DAOA: variants seen among roughly 807,000 people sequenced by gnomAD.
DAOA encodes the protein D-amino acid oxidase regulator.
Under a neutral mutation model 16.4 loss-of-function variants are expected in DAOA, and 15 were observed. The observed-to-expected ratio is 0.91, with a 90% CI of 0.61 to 1.41. The LOEUF (loss-of-function observed/expected upper bound fraction) is 1.41. DAOA is among the 40% of genes most tolerant of loss of function. The pLI, the probability that DAOA is intolerant of heterozygous loss-of-function variation, is 0.00. For synonymous variants in DAOA, 75 were observed against 59.1 expected (o/e 1.27, Z -1.23); for missense variants, 230 against 176.8 (o/e 1.30, Z -1.71).
In DAOA at chr13:105,490,001, C is replaced by G. The variant is rs369259159; in HGVS notation, c.382C>G (p.Arg128Gly). The G allele has an allele frequency of 1.1e-5, 17 of 1,612,550 alleles. No homozygotes were observed. The South Asian group carries it at 1.8e-4, about 17-fold the overall frequency. ...TAAGGACCGCAGGCAGCCTCTAGAA[C>G]GAATGTGGACCTGCAACTACAACCA... is the stretch of plus-strand genomic sequence containing the variant. ...ASKDRRQPLE[R>G]MWTCNYNQQK... The change falls in exon 5 of 6, where the codon CGA becomes GGA. Residue 128 changes from arginine (R) to glycine (G), a missense_variant. Transcript: ENST00000375936.
rs1878416268 is a variant in DAOA, at chr13:105,490,125, G to T, written c.*44G>T. 1 of 1,525,706 alleles carries T rather than the reference G, an allele frequency of 6.6e-7. No individual in the cohort carries two copies. The highest frequency in any genetic ancestry group is 1.4e-5 in the African/African-American group (1 of 72,504). 94.5% of individuals were successfully genotyped at this position (1,525,706 alleles called of 1,614,324 possible). On this transcript the variant is annotated 3_prime_UTR_variant, in exon 5 of 6. Coordinates refer to ENST00000375936, the MANE Select transcript of DAOA (RefSeq NM_172370.5). ...CCCAGCCAATCCTTCTGATGACAAT[G>T]TAGTCTGGCCAACATCTTCACTGGA...
chr13:105,489,051 C>T (rs576054129), intron 4 of DAOA, among the ~76,000 whole-genome samples: 1 of 152,304 alleles, frequency 6.6e-6, no homozygotes, highest in East Asian at 1.9e-4. Flanking sequence ...TATTGCATTA[C>T]AATGTGGTAG....
intron 3 of DAOA, 130 bp from the exon 4 acceptor site, chr13:105,472,408 C>G: frequency 7.6e-7 from 1 of 1,323,008 alleles, no homozygotes; most frequent in East Asian, 2.6e-5. Flanking sequence ...TTGTCTTAAC[C>G]AAAAACCTCT....
rs78723097 is a variant in DAOA at position 105,470,268 on chromosome 13, T to A, written c.134-2270T>A. 6.4e-3 allele frequency among the ~76,000 whole-genome samples: 980 copies of A among 152,270 alleles called. 9 individuals carry two copies. The highest frequency in any genetic ancestry group is 0.014 in the South Asian group (67 of 4,822). On this transcript the variant is annotated intron_variant, in intron 3 of 5. Coordinates refer to ENST00000375936, the MANE Select transcript of DAOA (RefSeq NM_172370.5). ...TATCTTTGTTATGTATTAAGCACAC[T>A]GTCCTCATATAAAATGCTATTCTTT...
intron 4 of DAOA, among the ~76,000 whole-genome samples, chr13:105,481,935 A>G (rs1015501807): frequency 6.6e-6 from 1 of 152,206 alleles, no homozygotes; most frequent in Non-Finnish European, 1.5e-5. Context: ...CAAAGGAAAG[A>G]GGTTTAATTG....
chr13:105,483,678 C>G (rs897510549), intron 4 of DAOA, among the ~76,000 whole-genome samples: 4 of 151,150 alleles, frequency 2.6e-5, no homozygotes, highest in Admixed American at 6.6e-5. Flanking sequence ...AGCTTTTGCT[C>G]ATTTTTATTT....
At chr13:105,474,001 T>C (rs1376834198) in intron 4 of DAOA, among the ~76,000 whole-genome samples, 1 of 152,132 alleles carries the variant, frequency 6.6e-6, no homozygotes, top group Non-Finnish European at 1.5e-5. Flanking sequence ...GCTAGAAGCT[T>C]ACCTGGCCAG....
intron 4 of DAOA, among the ~76,000 whole-genome samples, chr13:105,475,750 T>C (rs1877283629): frequency 6.6e-6 from 1 of 152,164 alleles, no homozygotes. Context: ...TTATGAATCT[T>C]TAAGGCAATT....
At position 105,490,970 on chromosome 13, in the gene DAOA, C is replaced by T. The variant is rs1168732219; in HGVS notation, c.*170C>T. The T allele has an allele frequency of 6.6e-6, 1 of 152,068 alleles. No homozygotes were observed. Among genetic ancestry groups the T allele is most frequent in the Non-Finnish European group, 1.5e-5 (1 of 67,980 alleles). The allele number at this position is 152,068 out of a possible 1,614,324, so 9.4% of individuals were successfully genotyped here. On this transcript the variant is annotated 3_prime_UTR_variant, in exon 6 of 6. Transcript: ENST00000375936. Reference sequence around the variant, plus strand: ...TAAGTGATAAAATGCCATTTCTATGCACCCACCTGGCCTGTGTGACTGGGA... The same window carrying T: ...TAAGTGATAAAATGCCATTTCTATGTACCCACCTGGCCTGTGTGACTGGGA...
chr13:105,467,069 G>A lies in DAOA; in HGVS notation c.61G>A (p.Gly21Ser), dbSNP rs533155400. 47 of 1,610,510 alleles carry A rather than the reference G, an allele frequency of 2.9e-5. No individual in the cohort carries two copies. The South Asian group carries it at 3.4e-4, about 12-fold the overall frequency. The change falls in exon 3 of 6, where the codon GGT becomes AGT. Residue 21 changes from glycine (G) to serine (S), a missense_variant. By Grantham distance (56) the Gly-to-Ser change is moderately conservative. Transcript: ENST00000375936. ...LQLFRSRYTL[G>S]KIYFIGFQRS... The stretch of plus-strand genomic sequence containing the variant: ...AATTTTTAGATCCAGATATACATTG[G>A]GTAAAATCTACTTCATAGGTTTTCA...
At chr13:105,482,734 C>T (rs1263815532) in intron 4 of DAOA, among the ~76,000 whole-genome samples, 3 of 151,924 alleles carry the variant, frequency 2.0e-5, no homozygotes, top group African/African-American at 7.3e-5. Flanking sequence ...TGTCAAACTC[C>T]TAACCTCGTG....
chr13:105,476,345 G>T (rs1290788832), intron 4 of DAOA, among the ~76,000 whole-genome samples: 2 of 151,628 alleles, frequency 1.3e-5, no homozygotes, highest in Non-Finnish European at 1.5e-5. Flanking sequence ...TCTATGTTTT[G>T]ACTTTTTAAA....
intron 2 of DAOA, 57 bp downstream of exon 2, chr13:105,466,389 A>G: frequency 6.2e-7 from 1 of 1,612,172 alleles, no homozygotes; most frequent in Admixed American, 1.7e-5. Flanking sequence ...TGACATTTGC[A>G]TGGCAGCACA....
At chr13:105,473,151 G>A (rs1301826648) in intron 4 of DAOA, among the ~76,000 whole-genome samples, 9 of 96,898 alleles carry the variant, frequency 9.3e-5, no homozygotes, top group African/African-American at 1.5e-4. Flanking sequence ...CACTGCCTAC[G>A]TGAGAGTGTG....
At chr13:105,470,879 C>G (rs919853336) in intron 3 of DAOA, among the ~76,000 whole-genome samples, 2 of 152,138 alleles carry the variant, frequency 1.3e-5, no homozygotes, top group Non-Finnish European at 2.9e-5. Flanking sequence ...CAAGCTCCGC[C>G]TCCCGGGTTC....
At chr13:105,469,422 T>G (rs916447154) in intron 3 of DAOA, among the ~76,000 whole-genome samples, 2 of 152,246 alleles carry the variant, frequency 1.3e-5, no homozygotes, top group African/African-American at 4.8e-5. Context: ...CCTATTTTAT[T>G]TCTTTCAGGT....
At chr13:105,484,953 T>C (rs1385572509) in intron 4 of DAOA, among the ~76,000 whole-genome samples, 1 of 152,178 alleles carries the variant, frequency 6.6e-6, no homozygotes, top group Admixed American at 6.5e-5. Flanking sequence ...CTGCCTGATG[T>C]TTTTTGTCTC....
intron 4 of DAOA, 130 bp downstream of exon 4, chr13:105,472,815 A>C: frequency 3.9e-5 from 29 of 734,346 alleles, no homozygotes; most frequent in East Asian, 9.0e-5. Context: ...TATCTAGCTC[A>C]GAGATTATTT....
intron 4 of DAOA, among the ~76,000 whole-genome samples, chr13:105,480,913 C>T (rs894319334): frequency 3.9e-5 from 6 of 152,008 alleles, no homozygotes; most frequent in Non-Finnish European, 5.9e-5. Flanking sequence ...ATCTTCCTCA[C>T]TCAGTCCACT....
Sources: allele counts gnomAD v4.1 joint callset (sites outside exome capture counted in the v4.1 genomes callset), GRCh38; gene constraint gnomAD v4.1.1; transcripts MANE v1.5; gene names NCBI Gene and HGNC (gene_info 2026-07-23, HGNC 2026-07-21).